Variants in TTC33 observed in about 807,000 individuals in gnomAD.
The protein encoded by TTC33 is tetratricopeptide repeat protein 33.
In TTC33, 24 loss-of-function variants were observed where a neutral mutation model predicts 29.4. The ratio of observed to expected loss-of-function variants is 0.82; its 90% CI spans 0.59 to 1.15. The LOEUF (loss-of-function observed/expected upper bound fraction) is 1.15, where lower values mean the gene tolerates loss of function less well. Ranked by LOEUF, TTC33 falls within the 50% of genes most tolerant of loss-of-function variation. The probability of loss-of-function intolerance (pLI) is 0.00; values close to 1 mark genes in which losing one functional copy is unlikely to be tolerated. For synonymous variants in TTC33, 107 were observed against 100.3 expected, an observed-to-expected ratio of 1.07 and a Z score of -0.40; for missense variants, 286 against 310.4, an observed-to-expected ratio of 0.92 and a Z score of 0.59.
chr5:40,746,434 C>T (rs1479693270), intron 2 of TTC33, among the ~76,000 whole-genome samples: 2 of 151,982 alleles, frequency 1.3e-5, no homozygotes. Flanking sequence ...GCCTAATTTA[C>T]CTGATACATA....
chr5:40,741,522 T>C (rs186606338), intron 2 of TTC33, among the ~76,000 whole-genome samples: 19 of 152,304 alleles, frequency 1.2e-4, no homozygotes, highest in East Asian at 9.6e-4. Context: ...CATAGACTTC[T>C]GGAGCTTTTT....
In TTC33 at chr5:40,711,865, C is replaced by T. The variant is rs544592395; in HGVS notation, c.*4280G>A. Among the ~76,000 whole-genome samples the T allele has an allele frequency of 4.6e-5, 7 of 152,020 alleles. No homozygotes were observed. Among genetic ancestry groups the T allele is most frequent in the East Asian group, 1.9e-4 (1 of 5,184 alleles). ...TCTAGAATTCTGAAGTCAAATCTAA[C>T]GTATAGCCACAGAAAGCAGAAAAGT... On this transcript the variant is annotated 3_prime_UTR_variant, in exon 5 of 5. Transcript: ENST00000337702.
intron 4 of TTC33, among the ~76,000 whole-genome samples, chr5:40,727,046 A>G (rs2111888562): frequency 6.6e-6 from 1 of 152,306 alleles, no homozygotes; most frequent in East Asian, 1.9e-4. Context: ...ACTTACTTTA[A>G]TCAAATCAAT....
intron 4 of TTC33, among the ~76,000 whole-genome samples, chr5:40,723,948 T>C (rs952430191): frequency 6.6e-6 from 1 of 152,026 alleles, no homozygotes; most frequent in African/African-American, 2.4e-5. Context: ...TTAGTAAAAA[T>C]GCAAAATGGT....
At chr5:40,726,260 A>G (rs1173707404) in intron 4 of TTC33, among the ~76,000 whole-genome samples, 1 of 151,154 alleles carries the variant, frequency 6.6e-6, no homozygotes, top group Non-Finnish European at 1.5e-5. Context: ...TTCACATCCA[A>G]CTCTTACAAA....
intron 2 of TTC33, among the ~76,000 whole-genome samples, chr5:40,736,434 C>G (rs1267555280): frequency 1.3e-5 from 2 of 152,092 alleles, no homozygotes; most frequent in Non-Finnish European, 2.9e-5. Flanking sequence ...ACAACTGATT[C>G]TAACAGAAAA....
intron 4 of TTC33, 93 bp from the exon 5 acceptor site, chr5:40,716,591 A>G (rs559569371): frequency 1.3e-6 from 1 of 794,174 alleles, no homozygotes; most frequent in African/African-American, 1.7e-5. Flanking sequence ...TACTGTACAC[A>G]TACACATCCT....
At chr5:40,747,339 T>G (rs1488916537) in intron 1 of TTC33, among the ~76,000 whole-genome samples, 1 of 152,170 alleles carries the variant, frequency 6.6e-6, no homozygotes, top group Non-Finnish European at 1.5e-5. Flanking sequence ...ATTACAAGCA[T>G]GAGCCACCAC....
At chr5:40,754,401 C>A (rs1179514631) in intron 1 of TTC33, among the ~76,000 whole-genome samples, 3 of 152,090 alleles carry the variant, frequency 2.0e-5, no homozygotes, top group African/African-American at 4.8e-5. Context: ...GAATTTCATG[C>A]CCCAAGCTTC....
intron 4 of TTC33, among the ~76,000 whole-genome samples, chr5:40,718,701 G>A (rs1561142622): frequency 6.6e-6 from 1 of 151,778 alleles, no homozygotes. Context: ...TTGCACCACC[G>A]CACTTCAGCC....
intron 1 of TTC33, among the ~76,000 whole-genome samples, chr5:40,750,184 T>A (rs956711544): frequency 2.0e-5 from 3 of 152,190 alleles, no homozygotes; most frequent in Non-Finnish European, 4.4e-5. Flanking sequence ...CTAATCTTTT[T>A]ACTGATGGAG....
chr5:40,713,484 G>A lies in TTC33; in HGVS notation c.*2661C>T, dbSNP rs1035427194. Among the ~76,000 whole-genome samples the A allele has an allele frequency of 3.3e-5, 5 of 152,116 alleles. No individual in the cohort carries two copies. The highest frequency in any genetic ancestry group is 3.3e-4 in the Admixed American group (5 of 15,264). Reference sequence around the variant, plus strand: ...ACTGAAACCACTGCCATAAAATTTTGTATGTAGGCCCCAGTTGCAGTAGAT... The same window carrying A: ...ACTGAAACCACTGCCATAAAATTTTATATGTAGGCCCCAGTTGCAGTAGAT... On this transcript the variant is annotated 3_prime_UTR_variant, in exon 5 of 5. Transcript: ENST00000337702.
intron 1 of TTC33, among the ~76,000 whole-genome samples, chr5:40,751,681 A>C (rs1023911789): frequency 1.1e-3 from 168 of 152,270 alleles, no homozygotes; most frequent in Non-Finnish European, 4.7e-4. Context: ...TCTTATGGCC[A>C]TGCGCAGTGG....
chr5:40,746,938 A>C lies in TTC33; in HGVS notation c.81T>G (p.Ala27=), dbSNP rs764516034. 1.2e-6 allele frequency: 2 copies of C among 1,614,222 alleles called. No homozygotes were observed. The highest frequency in any genetic ancestry group is 1.1e-5 in the South Asian group (1 of 91,076). ...VTSQQFEAEA[A]DEKDVVDNDE... ...CGTTGTCAACTACATCCTTCTCATCAGCAGCTTCAGCTTCAAACTGCTGGG... is the reference window on the plus strand; with the variant it reads ...CGTTGTCAACTACATCCTTCTCATCCGCAGCTTCAGCTTCAAACTGCTGGG... The change falls in exon 2 of 5, where the codon GCT becomes GCG. Residue 27 remains alanine (A), a synonymous_variant. Transcript: ENST00000337702.
At chr5:40,734,428 C>A (rs535415114) in intron 2 of TTC33, among the ~76,000 whole-genome samples, 5 of 152,232 alleles carry the variant, frequency 3.3e-5, no homozygotes, top group African/African-American at 1.2e-4. Context: ...TCTGATTCCG[C>A]CAGTTTAAGG....
At chr5:40,734,057 G>A (rs771010627) in intron 2 of TTC33, among the ~76,000 whole-genome samples, 8 of 152,120 alleles carry the variant, frequency 5.3e-5, no homozygotes, top group Admixed American at 6.5e-5. Flanking sequence ...TTGCCAACGA[G>A]GCCTATAAAG....
At chr5:40,717,988 G>A (rs1742038208) in intron 4 of TTC33, among the ~76,000 whole-genome samples, 2 of 151,958 alleles carry the variant, frequency 1.3e-5, no homozygotes, top group Non-Finnish European at 2.9e-5. Context: ...CTTGAACTCG[G>A]GAGGCGGAGG....
At chr5:40,747,631 C>A (rs1408255535) in intron 1 of TTC33, among the ~76,000 whole-genome samples, 2 of 152,058 alleles carry the variant, frequency 1.3e-5, no homozygotes, top group Non-Finnish European at 2.9e-5. Context: ...TGCTCAATAA[C>A]ACATCAGAGA....
intron 4 of TTC33, among the ~76,000 whole-genome samples, chr5:40,721,066 T>C (rs1195891671): frequency 2.0e-5 from 3 of 152,102 alleles, no homozygotes; most frequent in Non-Finnish European, 4.4e-5. Context: ...CGAAGAAAAT[T>C]CCCAGCTCCC....
Sources: allele counts gnomAD v4.1 joint callset (sites outside exome capture counted in the v4.1 genomes callset), GRCh38; gene constraint gnomAD v4.1.1; transcripts MANE v1.5; gene names NCBI Gene and HGNC (gene_info 2026-07-23, HGNC 2026-07-21).